The following HHAT variants were observed in gnomAD, a reference collection of about 807,000 sequenced individuals.
HHAT encodes the protein protein-cysteine N-palmitoyltransferase HHAT.
HHAT carries 47 observed loss-of-function variants against 70.8 expected under a neutral mutation model. The observed-to-expected ratio is 0.66, with a 90% CI of 0.53 to 0.85. The LOEUF (loss-of-function observed/expected upper bound fraction) is 0.85. Ranked by LOEUF, HHAT falls within the 40% of genes least tolerant of loss-of-function variation. The probability of loss-of-function intolerance (pLI) is 0.00; values close to 1 mark genes in which losing one functional copy is unlikely to be tolerated. For missense variants in HHAT, 609 were observed against 604.8 expected, an observed-to-expected ratio of 1.01 and a Z score of -0.07; for synonymous variants, 228 against 247.6, an observed-to-expected ratio of 0.92 and a Z score of 0.74.
In HHAT at chr1:210,675,313, T is replaced by C. The variant is rs1341870107; in HGVS notation, c.*934T>C. The C allele has an allele frequency of 6.6e-6, 1 of 152,232 alleles. No homozygotes were observed. Among genetic ancestry groups the C allele is most frequent in the African/African-American group, 2.4e-5 (1 of 41,466 alleles). 9.4% of individuals were successfully genotyped at this position (152,232 alleles called of 1,614,324 possible). ...TTTTCTGTCCTGTAGATAATCTACA[T>C]GTTTGTAGAATTATTTTGAATATGT... On this transcript the variant is annotated 3_prime_UTR_variant, in exon 12 of 12. Coordinates refer to ENST00000261458, the MANE Select transcript of HHAT (RefSeq NM_018194.6).
At chr1:210,512,217 C>T (rs1371093570) in intron 8 of HHAT, among the ~76,000 whole-genome samples, 2 of 152,096 alleles carry the variant, frequency 1.3e-5, no homozygotes, top group Non-Finnish European at 2.9e-5. Flanking sequence ...AGGGCAGACC[C>T]AGAGATGGGA....
At chr1:210,466,754 TC>T (rs1221235714) in intron 8 of HHAT, among the ~76,000 whole-genome samples, 1 of 130,624 alleles carries the variant, frequency 7.7e-6, no homozygotes, top group Non-Finnish European at 1.6e-5. Context: ...GATTGTCTTG[TC>T]CTTTATTTTA....
chr1:210,612,523 T>C lies in HHAT; in HGVS notation c.1246-11003T>C, dbSNP rs143927576. On this transcript the variant is annotated intron_variant, in intron 10 of 11. Coordinates refer to ENST00000261458, the MANE Select transcript of HHAT (RefSeq NM_018194.6). ...AGGCTAAAATGCCATTTTATGTATA[T>C]ATTACTCTGTTTACTCACTCATCCA... is the stretch of plus-strand genomic sequence containing the variant. Among the ~76,000 whole-genome samples, 5 of 152,334 alleles carry C rather than the reference T, an allele frequency of 3.3e-5. No homozygotes were observed. In the East Asian group the frequency reaches 7.7e-4, roughly 24 times the overall value.
chr1:210,529,442 T>C (rs2095290197), intron 9 of HHAT, among the ~76,000 whole-genome samples: 1 of 152,178 alleles, frequency 6.6e-6, no homozygotes, highest in African/African-American at 2.4e-5. Flanking sequence ...TCAGTGTTTA[T>C]TGTGACTTGT....
chr1:210,389,019 G>C (rs1443880751), intron 4 of HHAT, among the ~76,000 whole-genome samples: 1 of 152,150 alleles, frequency 6.6e-6, no homozygotes, highest in Non-Finnish European at 1.5e-5. Context: ...TTTCTAACCT[G>C]AGCAAAGGTT....
At chr1:210,497,629 T>A (rs2094673694) in intron 8 of HHAT, among the ~76,000 whole-genome samples, 1 of 152,196 alleles carries the variant, frequency 6.6e-6, no homozygotes. Flanking sequence ...CTTAAGATTT[T>A]ACACCTGAGG....
rs1316287432 is a variant in HHAT, at chr1:210,675,286, C to G, written c.*907C>G. ...TTATTAAGGTTTGATTCAAACAGAG[C>G]CTTTTCTGTCCTGTAGATAATCTAC... On this transcript the variant is annotated 3_prime_UTR_variant, in exon 12 of 12. Transcript: ENST00000261458. The G allele has an allele frequency of 6.6e-6, 1 of 152,076 alleles. No individual in the cohort carries two copies. The highest frequency in any genetic ancestry group is 1.5e-5 in the Non-Finnish European group (1 of 68,014). The allele number at this position is 152,076 out of a possible 1,614,324, so 9.4% of individuals were successfully genotyped here.
At chr1:210,527,020 T>C (rs1484206384) in intron 9 of HHAT, among the ~76,000 whole-genome samples, 1 of 152,160 alleles carries the variant, frequency 6.6e-6, no homozygotes, top group Non-Finnish European at 1.5e-5. Context: ...ATTTCCTGAG[T>C]GATCAGAGGA....
At chr1:210,457,277 T>C (rs1443459388) in intron 7 of HHAT, among the ~76,000 whole-genome samples, 1 of 152,030 alleles carries the variant, frequency 6.6e-6, no homozygotes, top group Non-Finnish European at 1.5e-5. Context: ...TTCCAGTACT[T>C]ACCCCACATC....
chr1:210,346,544 G>A (rs980030432), intron 1 of HHAT, among the ~76,000 whole-genome samples: 3 of 152,342 alleles, frequency 2.0e-5, no homozygotes, highest in Non-Finnish European at 2.9e-5. Context: ...TGAAATACTA[G>A]GGCTTAGGCT....
chr1:210,378,636 T>C (rs1280000687), intron 3 of HHAT, among the ~76,000 whole-genome samples: 1 of 152,220 alleles, frequency 6.6e-6, no homozygotes, highest in African/African-American at 2.4e-5. Context: ...ATAAAAGTAA[T>C]TGGGATATCC....
At chr1:210,334,554 G>T (rs966094580) in intron 1 of HHAT, among the ~76,000 whole-genome samples, 1 of 152,082 alleles carries the variant, frequency 6.6e-6, no homozygotes, top group Non-Finnish European at 1.5e-5. Context: ...AAGCTTTTGA[G>T]AGGGGATTGC....
chr1:210,674,582 C>T lies in HHAT; in HGVS notation c.*203C>T, dbSNP rs1680837149. 1.8e-6 allele frequency: 1 copy of T among 551,588 alleles called. No homozygotes were observed. The highest frequency in any genetic ancestry group is 3.3e-5 in the Admixed American group (1 of 30,286). 34.2% of individuals were successfully genotyped at this position (551,588 alleles called of 1,614,324 possible). A position where few individuals can be genotyped will look rare whatever the true frequency, so the allele number is the denominator to read the frequency against. ...AATCTGGAGTCTTTGAGATCTTCTA[C>T]CCCAACTCATCATTTTCCTATTGAG... On this transcript the variant is annotated 3_prime_UTR_variant, in exon 12 of 12. Transcript: ENST00000261458.
chr1:210,391,529 G>A (rs573196490), intron 4 of HHAT, among the ~76,000 whole-genome samples: 2 of 152,200 alleles, frequency 1.3e-5, no homozygotes, highest in Non-Finnish European at 2.9e-5. Context: ...CAAAGGATTG[G>A]CATATGGAAT....
chr1:210,528,885 G>A (rs2095281530), intron 9 of HHAT, among the ~76,000 whole-genome samples: 1 of 152,122 alleles, frequency 6.6e-6, no homozygotes, highest in Non-Finnish European at 1.5e-5. Flanking sequence ...AAATCCCCAC[G>A]TGCTCATACG....
intron 3 of HHAT, 152 bp from the exon 4 acceptor site, chr1:210,387,316 C>T (rs1264637440): frequency 6.2e-6 from 4 of 645,328 alleles, no homozygotes; most frequent in Non-Finnish European, 1.1e-5. Flanking sequence ...GGGGAGTGTA[C>T]AGGTGGGTGG....
rs918709300 is a variant in HHAT, at chr1:210,676,113, A to G, written c.*1734A>G. On this transcript the variant is annotated 3_prime_UTR_variant, in exon 12 of 12. Coordinates refer to ENST00000261458, the MANE Select transcript of HHAT (RefSeq NM_018194.6). ...ATGTATGTGCACATATAAGTAATAC[A>G]AAAGTTTTGAGCTCTTCCAAGTATA... 3 of 152,220 alleles carry G rather than the reference A, an allele frequency of 2.0e-5. No individual in the cohort carries two copies. Among genetic ancestry groups the G allele is most frequent in the African/African-American group, 7.2e-5 (3 of 41,446 alleles). The allele number at this position is 152,220 out of a possible 1,614,324, so 9.4% of individuals were successfully genotyped here.
intron 9 of HHAT, among the ~76,000 whole-genome samples, chr1:210,578,972 C>T (rs1380622750): frequency 6.6e-6 from 1 of 152,176 alleles, no homozygotes; most frequent in Non-Finnish European, 1.5e-5. Flanking sequence ...GAATACTGCG[C>T]AGCCATGGAA....
chr1:210,673,957 C>CTTTTTTTTTT (rs1318957937), intron 11 of HHAT, among the ~76,000 whole-genome samples: 2 of 141,500 alleles, frequency 1.4e-5, no homozygotes, highest in African/African-American at 2.6e-5. Context: ...TGCCCTATTT[C>CTTTTTTTTTT]TTTTTTTTTT....
Sources: allele counts gnomAD v4.1 joint callset (sites outside exome capture counted in the v4.1 genomes callset), GRCh38; gene constraint gnomAD v4.1.1; transcripts MANE v1.5; gene names NCBI Gene and HGNC (gene_info 2026-07-23, HGNC 2026-07-21).